The following DOCK1 variants were observed in gnomAD, a reference collection of about 807,000 sequenced individuals.
DOCK1 encodes the protein dedicator of cytokinesis protein 1.
DOCK1 carries 138 observed loss-of-function variants against 262.7 expected under a neutral mutation model. The observed-to-expected ratio is 0.53, with a 90% CI of 0.46 to 0.61. The LOEUF (loss-of-function observed/expected upper bound fraction) is 0.61, where lower values mean the gene tolerates loss of function less well. DOCK1 is among the 20% of genes least tolerant of loss of function. The probability of loss-of-function intolerance (pLI) is 0.00; values close to 1 mark genes in which losing one functional copy is unlikely to be tolerated. For missense variants in DOCK1, 1,908 were observed against 2,370.7 expected, an observed-to-expected ratio of 0.80 and a Z score of 4.05; for synonymous variants, 866 against 867.4, an observed-to-expected ratio of 1.00 and a Z score of 0.03.
At chr10:127,301,247 G>T (rs1486078874) in intron 29 of DOCK1, among the ~76,000 whole-genome samples, 1 of 152,176 alleles carries the variant, frequency 6.6e-6, no homozygotes, top group Non-Finnish European at 1.5e-5. Context: ...TGCAGGTTAG[G>T]CCTGGATCGG....
chr10:127,381,033 G>A lies in DOCK1; in HGVS notation c.3717-245G>A, dbSNP rs551484882. Among the ~76,000 whole-genome samples the A allele has an allele frequency of 5.3e-5, 8 of 152,172 alleles. No homozygotes were observed. The South Asian group carries it at 1.7e-3, about 32-fold the overall frequency. On this transcript the variant is annotated intron_variant, in intron 36 of 51. Transcript: ENST00000623213. ...TGTGTGTCTCATTAAAAATGTTTAA[G>A]GGAAAATGAAAAGGAATGAAAAATT...
intron 38 of DOCK1, 147 bp downstream of exon 38, chr10:127,385,056 A>C: frequency 9.3e-7 from 1 of 1,070,238 alleles, no homozygotes; most frequent in Non-Finnish European, 1.2e-6. Context: ...ATGTTCCTTC[A>C]GCTTGCACTT....
chr10:127,415,960 G>A (rs2068125373), intron 44 of DOCK1, among the ~76,000 whole-genome samples: 1 of 152,216 alleles, frequency 6.6e-6, no homozygotes, highest in Non-Finnish European at 1.5e-5. Flanking sequence ...TTTTCACCTG[G>A]CAAGAACTCA....
intron 1 of DOCK1, among the ~76,000 whole-genome samples, chr10:126,958,173 G>A (rs2036901137): frequency 6.6e-6 from 1 of 152,206 alleles, no homozygotes; most frequent in Non-Finnish European, 1.5e-5. Flanking sequence ...CCTAAAGACT[G>A]TGTGTTTTAT....
rs1387836278 is a variant in DOCK1, at chr10:127,100,985, G to C, written c.2446-5246G>C. On this transcript the variant is annotated intron_variant, in intron 23 of 51. Transcript: ENST00000623213. This position sits in a 1 kb window ranked among gnomAD's most constrained non-coding sequence, Gnocchi z 5.5. ...GGTGTGGGCTTCATGATAGAAAGCA[G>C]GAGGCAGAGGGGTGAGAACTGAAGG... is the stretch of plus-strand genomic sequence containing the variant. Among the ~76,000 whole-genome samples the C allele has an allele frequency of 6.6e-6, 1 of 152,088 alleles. No homozygotes were observed. Among genetic ancestry groups the C allele is most frequent in the African/African-American group, 2.4e-5 (1 of 41,412 alleles).
chr10:126,923,485 G>A (rs1490468023), intron 1 of DOCK1, among the ~76,000 whole-genome samples: 3 of 151,966 alleles, frequency 2.0e-5, no homozygotes, highest in South Asian at 2.1e-4. Context: ...TTAGCCGGGT[G>A]TGGTGGCAGG....
intron 20 of DOCK1, 69 bp from the exon 21 acceptor site, chr10:127,042,995 G>A: frequency 1.6e-6 from 2 of 1,256,474 alleles, no homozygotes; most frequent in Non-Finnish European, 2.3e-6. Context: ...GGTGCAGATG[G>A]TTCTGATGAA....
chr10:126,993,428 CCCACACCAGCACAAA>C (rs1388822818), intron 6 of DOCK1, among the ~76,000 whole-genome samples: 9 of 152,204 alleles, frequency 5.9e-5, no homozygotes, highest in Non-Finnish European at 1.3e-4. Context: ...ATTGACCCCA[CCCACACCAGCACAAA>C]CCATGCCCAC....
At chr10:127,094,756 C>T (rs2047802861) in intron 23 of DOCK1, among the ~76,000 whole-genome samples, 1 of 152,178 alleles carries the variant, frequency 6.6e-6, no homozygotes, top group African/African-American at 2.4e-5. Flanking sequence ...GCTTCATTCC[C>T]CACTCACTGT....
At position 127,433,319 on chromosome 10, in the gene DOCK1, C is replaced by A; in HGVS notation, c.4951C>A (p.Arg1651=). The change falls in exon 48 of 52, where the codon CGG becomes AGG. Residue 1651 remains arginine, a synonymous_variant. Coordinates refer to ENST00000623213, the MANE Select transcript of DOCK1 (RefSeq NM_001290223.2). ...GGATGATAGAAGAGGCAGCCGCCCCCGGTCCATGGTGCGGTCCTTCACGAT... is the reference window on the plus strand; with the variant it reads ...GGATGATAGAAGAGGCAGCCGCCCCAGGTCCATGGTGCGGTCCTTCACGAT... The part of the protein sequence containing the change: ...SLDDRRGSRP[R]SMVRSFTMPS... 1 of 1,613,992 alleles carries A rather than the reference C, an allele frequency of 6.2e-7. No individual in the cohort carries two copies. Among genetic ancestry groups the A allele is most frequent in the Non-Finnish European group, 8.5e-7 (1 of 1,179,896 alleles).
chr10:126,941,075 G>A (rs2034942291), intron 1 of DOCK1, among the ~76,000 whole-genome samples: 1 of 152,168 alleles, frequency 6.6e-6, no homozygotes, highest in African/African-American at 2.4e-5. Flanking sequence ...CTGGTCCAGA[G>A]TCATCTGTTT....
chr10:127,214,480 G>A (rs1423493395), intron 27 of DOCK1, among the ~76,000 whole-genome samples: 2 of 152,172 alleles, frequency 1.3e-5, no homozygotes, highest in African/African-American at 4.8e-5. Context: ...CAGCACTGTG[G>A]TTTTGCAGTC....
At chr10:127,111,702 T>C (rs1049958846) in intron 25 of DOCK1, among the ~76,000 whole-genome samples, 1 of 152,132 alleles carries the variant, frequency 6.6e-6, no homozygotes, top group African/African-American at 2.4e-5. Context: ...TATCTGGGTC[T>C]TATTAGGTGG....
chr10:126,996,923 G>C (rs2040239507), intron 7 of DOCK1, 40 bp downstream of exon 7: 1 of 1,524,926 alleles, frequency 6.6e-7, no homozygotes, highest in African/African-American at 1.4e-5. Flanking sequence ...CGTTTTCTCA[G>C]TAATAAGTTT....
rs1321180014 is a variant in DOCK1, at chr10:126,979,886, A to G, written c.171+1898A>G. Among the ~76,000 whole-genome samples the G allele has an allele frequency of 1.5e-4, 23 of 152,150 alleles. 1 individual carries two copies. Among genetic ancestry groups the G allele is most frequent in the Admixed American group, 1.5e-3 (23 of 15,278 alleles). On this transcript the variant is annotated intron_variant, in intron 3 of 51. Transcript: ENST00000623213. The stretch of plus-strand genomic sequence containing the variant: ...TGTGCAGTTGATTGGGGTGGTGCTG[A>G]GCAGGCCCAGCGGAAGTTGCGCATT...
rs377320265 is a variant in DOCK1, at chr10:126,970,758, A to G, written c.103A>G (p.Thr35Ala). The G allele has an allele frequency of 1.9e-6, 3 of 1,613,704 alleles. No individual in the cohort carries two copies. The highest frequency in any genetic ancestry group is 1.7e-5 in the Admixed American group (1 of 60,022). ...TGAACTTTCTTTACAGATCGGAGAC[A>G]CTGTGCACATCTTAGAAACATATGA... ...ADELSLQIGD[T>A]VHILETYEGW... Residue 35 changes from threonine to alanine, a missense_variant, in exon 2 of 52, where the codon ACT (threonine) becomes GCT (alanine). By Grantham distance (58) the Thr-to-Ala change is moderately conservative (BLOSUM62 0). This residue lies in a region of DOCK1 where 227 missense variants were observed against 254.1 expected (regional missense o/e 0.89). Transcript: ENST00000623213.
intron 28 of DOCK1, among the ~76,000 whole-genome samples, chr10:127,254,612 T>A (rs545173932): frequency 1.3e-5 from 2 of 152,228 alleles, no homozygotes; most frequent in Non-Finnish European, 2.9e-5. Context: ...CCTTTGCAAT[T>A]GTCAGATAAT....
At chr10:127,419,599 C>G in intron 45 of DOCK1, 67 bp from the exon 46 acceptor site, 1 of 1,445,732 alleles carries the variant, frequency 6.9e-7, no homozygotes, top group Non-Finnish European at 9.5e-7. Context: ...GCCTGGCACA[C>G]AGTAAGTGTG....
At chr10:127,328,460 C>G (rs1045509964) in intron 29 of DOCK1, among the ~76,000 whole-genome samples, 1 of 152,200 alleles carries the variant, frequency 6.6e-6, no homozygotes, top group Non-Finnish European at 1.5e-5. Flanking sequence ...AATAAAGATT[C>G]TGCACAGATG....
Sources: allele counts gnomAD v4.1 joint callset (sites outside exome capture counted in the v4.1 genomes callset), GRCh38; gene constraint gnomAD v4.1.1; regional missense constraint gnomAD v4.1.1; non-coding constraint Gnocchi (gnomAD v3.1); transcripts MANE v1.5; gene names NCBI Gene and HGNC (gene_info 2026-07-23, HGNC 2026-07-21).